The following RBFOX1 variants were observed in gnomAD, a reference collection of about 807,000 sequenced individuals.
The protein encoded by RBFOX1 is RNA binding fox-1 homolog 1, also known as RNA binding protein fox-1 homolog 1.
In RBFOX1, 8 loss-of-function variants were observed where a neutral mutation model predicts 57.7. The observed-to-expected ratio is 0.14, with a 90% CI of 0.08 to 0.25. The LOEUF (loss-of-function observed/expected upper bound fraction) is 0.25, where lower values mean the gene tolerates loss of function less well. Among genes scored for constraint, RBFOX1 ranks in the 10% least tolerant of loss-of-function variants. RBFOX1 has a pLI of 1.00. For synonymous variants in RBFOX1, 326 were observed against 222.4 expected, an observed-to-expected ratio of 1.47 and a Z score of -4.15; for missense variants, 611 against 548.5, an observed-to-expected ratio of 1.11 and a Z score of -1.14.
chr16:7,210,611 TTGA>T (rs2090941290), intron 4 of RBFOX1, among the ~76,000 whole-genome samples: 1 of 104,134 alleles, frequency 9.6e-6, no homozygotes, highest in African/African-American at 3.7e-5. Context: ...GATGCTAATG[TTGA>T]TGATGATGAC....
At chr16:5,500,768 C>T (rs147796189) in intron 2 of RBFOX1, among the ~76,000 whole-genome samples, 15 of 152,162 alleles carry the variant, frequency 9.9e-5, no homozygotes, top group African/African-American at 3.6e-4. Context: ...AAGCTTTTTG[C>T]GTGGTAACTT....
At chr16:6,043,848 G>A (rs918305134) in intron 1 of RBFOX1, among the ~76,000 whole-genome samples, 1 of 152,164 alleles carries the variant, frequency 6.6e-6, no homozygotes, top group African/African-American at 2.4e-5. Flanking sequence ...CTATTGTCCT[G>A]TGTCCTTCCT....
chr16:5,956,070 G>T (rs2152282637), intron 4 of RBFOX1, among the ~76,000 whole-genome samples: 1 of 152,226 alleles, frequency 6.6e-6, no homozygotes, highest in East Asian at 1.9e-4. Flanking sequence ...AAGAGCAGGA[G>T]TTCAAGACCA....
At chr16:6,601,300 C>T (rs2097849883) in intron 2 of RBFOX1, among the ~76,000 whole-genome samples, 1 of 152,082 alleles carries the variant, frequency 6.6e-6, no homozygotes, top group African/African-American at 2.4e-5. Flanking sequence ...AGTATTTAAG[C>T]TTCTTACACT....
chr16:5,288,592 A>G (rs1397330802), intron 1 of RBFOX1, among the ~76,000 whole-genome samples: 1 of 151,340 alleles, frequency 6.6e-6, no homozygotes, highest in Non-Finnish European at 1.5e-5. Flanking sequence ...AATCCCTGGT[A>G]TTGGATATGG....
intron 4 of RBFOX1, among the ~76,000 whole-genome samples, chr16:5,972,089 C>G (rs982123002): frequency 2.0e-5 from 3 of 152,208 alleles, no homozygotes; most frequent in African/African-American, 7.2e-5. Context: ...TGAAACACCA[C>G]CATTCATTCT....
intron 3 of RBFOX1, among the ~76,000 whole-genome samples, chr16:5,817,404 G>C (rs920979157): frequency 2.0e-5 from 3 of 152,308 alleles, no homozygotes; most frequent in African/African-American, 7.2e-5. Flanking sequence ...GTTTCAGGTA[G>C]TTGCATTTTT....
rs192035022 is a variant in RBFOX1 at position 7,454,641 on chromosome 16, A to G, written c.28-63506A>G. On this transcript the variant is annotated intron_variant, in intron 4 of 15. Coordinates refer to ENST00000550418, the MANE Select transcript of RBFOX1 (RefSeq NM_018723.4). ...TATCAACTCATGGAGACAAGACTCT[A>G]TCTACAGGATAGCAAACATTTGGAT... 8.8e-4 allele frequency among the ~76,000 whole-genome samples: 134 copies of G among 152,350 alleles called. 1 individual carries two copies. The highest frequency in any genetic ancestry group is 2.8e-3 in the African/African-American group (115 of 41,578).
intron 4 of RBFOX1, among the ~76,000 whole-genome samples, chr16:7,083,332 A>C (rs10500347): frequency 0.022 from 3,270 of 152,060 alleles, 128 homozygotes; most frequent in African/African-American, 0.075. Flanking sequence ...CTTAGGGCGA[A>C]TCTCATTCCT....
intron 3 of RBFOX1, among the ~76,000 whole-genome samples, chr16:6,816,177 G>T (rs1385076581): frequency 1.3e-5 from 2 of 152,092 alleles, no homozygotes; most frequent in Non-Finnish European, 2.9e-5. Flanking sequence ...TAGGTGTGGT[G>T]ATGCTCACTT....
At chr16:5,604,400 T>A (rs1286315611), downstream of RBFOX1, among the ~76,000 whole-genome samples, 1 of 152,068 alleles carries the variant, frequency 6.6e-6, no homozygotes, top group Non-Finnish European at 1.5e-5. Flanking sequence ...ATCTCACTGG[T>A]TGTTGGAATA....
intron 4 of RBFOX1, among the ~76,000 whole-genome samples, chr16:7,393,626 G>A (rs978664217): frequency 6.6e-6 from 1 of 152,060 alleles, no homozygotes; most frequent in African/African-American, 2.4e-5. Flanking sequence ...GTTTCAGGGG[G>A]AAACATAGCC....
chr16:6,982,303 T>G (rs529429842), intron 3 of RBFOX1, among the ~76,000 whole-genome samples: 4 of 152,194 alleles, frequency 2.6e-5, no homozygotes, highest in African/African-American at 9.7e-5. Flanking sequence ...ATTATTCCAT[T>G]TTGATCTTTA....
rs543518181 is a variant in RBFOX1 at position 5,621,715 on chromosome 16, A to C, written c.318+22754A>C. Among the ~76,000 whole-genome samples the C allele has an allele frequency of 2.1e-4, 32 of 152,328 alleles. No homozygotes were observed. In the East Asian group the frequency reaches 6.0e-3, roughly 28 times the overall value. ...TACCAGGATGGTGAGGATTCTCTCC[A>C]GGCAAAAGATGTTGCCCCACCCTTA... is the stretch of plus-strand genomic sequence containing the variant. On this transcript the variant is annotated intron_variant, in intron 3 of 19. Transcript: ENST00000641259.
intron 2 of RBFOX1, among the ~76,000 whole-genome samples, chr16:5,577,251 C>T (rs902611623): frequency 8.5e-5 from 13 of 152,276 alleles, no homozygotes; most frequent in African/African-American, 1.9e-4. Context: ...AAGCAGACTC[C>T]GGGTCTGTTG....
intron 3 of RBFOX1, among the ~76,000 whole-genome samples, chr16:6,792,246 T>C (rs1190905504): frequency 2.6e-5 from 4 of 152,214 alleles, no homozygotes; most frequent in Admixed American, 1.3e-4. Flanking sequence ...TTATAGGTGA[T>C]ATTTAGATTT....
intron 2 of RBFOX1, among the ~76,000 whole-genome samples, chr16:6,428,844 A>G (rs2094000389): frequency 6.6e-6 from 1 of 152,236 alleles, no homozygotes. Context: ...TTAATTCAAC[A>G]CACAAACGAG....
At chr16:7,558,144 A>G (rs1028569193) in intron 5 of RBFOX1, among the ~76,000 whole-genome samples, 3 of 152,110 alleles carry the variant, frequency 2.0e-5, no homozygotes, top group Non-Finnish European at 2.9e-5. Flanking sequence ...ACTGGAACCC[A>G]GGAGTTCAAG....
chr16:7,154,344 C>T (rs907206828), intron 4 of RBFOX1, among the ~76,000 whole-genome samples: 4 of 152,164 alleles, frequency 2.6e-5, no homozygotes, highest in African/African-American at 9.6e-5. Flanking sequence ...CCATCTCTGC[C>T]TGGGAGATTA....
Sources: gnomAD v4.1 joint callset for allele counts (sites outside exome capture counted in the v4.1 genomes callset) on GRCh38, gnomAD v4.1.1 for gene constraint, MANE v1.5 for transcripts, NCBI Gene and HGNC (gene_info 2026-07-23, HGNC 2026-07-21) for gene names.